GPC5: variants seen among roughly 807,000 people sequenced by gnomAD.
GPC5 encodes glypican 5.
A neutral mutation model predicts 53.9 loss-of-function variants in GPC5; 47 were observed. The ratio of observed to expected loss-of-function variants is 0.87; its 90% CI spans 0.69 to 1.11. The LOEUF (loss-of-function observed/expected upper bound fraction) is 1.11. Ranked by LOEUF, GPC5 falls within the 50% of genes most tolerant of loss-of-function variation. The pLI is 0.00. For missense variants in GPC5, 748 were observed against 713.1 expected (o/e 1.05, Z -0.56); for synonymous variants, 286 against 263.3 (o/e 1.09, Z -0.84).
At chr13:91,549,075 C>G (rs1442393700) in intron 2 of GPC5, among the ~76,000 whole-genome samples, 1 of 152,050 alleles carries the variant, frequency 6.6e-6, no homozygotes, top group Non-Finnish European at 1.5e-5. Context: ...TCGAGACCAG[C>G]CTGGCCAATA....
chr13:92,256,875 T>G (rs1251075344), intron 7 of GPC5, among the ~76,000 whole-genome samples: 1 of 152,090 alleles, frequency 6.6e-6, no homozygotes, highest in Non-Finnish European at 1.5e-5. Context: ...TTTTTAAAAG[T>G]CTTATTAGAA....
intron 6 of GPC5, among the ~76,000 whole-genome samples, chr13:92,118,775 T>G (rs1276926143): frequency 2.0e-5 from 3 of 152,182 alleles, no homozygotes; most frequent in Non-Finnish European, 4.4e-5. Context: ...GAGTTTCAAT[T>G]TCAATCAGTA....
chr13:92,729,781 T>C (rs1888751909), intron 7 of GPC5, among the ~76,000 whole-genome samples: 2 of 150,912 alleles, frequency 1.3e-5, no homozygotes, highest in African/African-American at 4.9e-5. Flanking sequence ...TGATTTATCC[T>C]GCAATTTTTT....
intron 6 of GPC5, among the ~76,000 whole-genome samples, chr13:91,974,827 A>G (rs1301746419): frequency 6.6e-6 from 1 of 152,188 alleles, no homozygotes. Context: ...TCCTAAGCCA[A>G]AAGAACAAAG....
chr13:91,430,599 A>T (rs1879375790), intron 1 of GPC5, among the ~76,000 whole-genome samples: 1 of 152,192 alleles, frequency 6.6e-6, no homozygotes, highest in African/African-American at 2.4e-5. Flanking sequence ...AAAGAAACTC[A>T]GGATGAAGCA....
chr13:92,285,062 A>G (rs972457544), intron 7 of GPC5, among the ~76,000 whole-genome samples: 1 of 152,224 alleles, frequency 6.6e-6, no homozygotes, highest in Non-Finnish European at 1.5e-5. Context: ...TACAAAATCA[A>G]TGTGCAAAAA....
chr13:92,830,036 ACAAGT>A (rs983820294), intron 7 of GPC5, among the ~76,000 whole-genome samples: 4 of 152,146 alleles, frequency 2.6e-5, no homozygotes, highest in Non-Finnish European at 5.9e-5. Flanking sequence ...AATGTCAAAA[ACAAGT>A]CAAGAAAATT....
At chr13:91,770,915 A>G (rs1202849437) in intron 5 of GPC5, among the ~76,000 whole-genome samples, 1 of 152,190 alleles carries the variant, frequency 6.6e-6, no homozygotes, top group Admixed American at 6.6e-5. Context: ...AACCAGAAAC[A>G]TACCTGTAAA....
intron 6 of GPC5, chr13:91,994,440 A>G (rs1363218849): frequency 6.6e-6 from 1 of 152,198 alleles, no homozygotes; most frequent in African/African-American, 2.4e-5. Context: ...ATCTTTATAG[A>G]GTGACTGTTA....
At chr13:92,694,520 TTAA>T (rs1408371445) in intron 7 of GPC5, among the ~76,000 whole-genome samples, 1 of 152,158 alleles carries the variant, frequency 6.6e-6, no homozygotes, top group African/African-American at 2.4e-5. Context: ...GCTTTAAGAT[TTAA>T]TGACTGCCTC....
chr13:91,614,161 T>C (rs1421051033), intron 2 of GPC5, among the ~76,000 whole-genome samples: 1 of 152,146 alleles, frequency 6.6e-6, no homozygotes, highest in Non-Finnish European at 1.5e-5. Context: ...GAGTGGGAGA[T>C]GCAATCACAG....
intron 6 of GPC5, among the ~76,000 whole-genome samples, chr13:92,016,019 A>T (rs966182824): frequency 6.6e-6 from 1 of 152,198 alleles, no homozygotes; most frequent in South Asian, 2.1e-4. Context: ...AGGCACAATC[A>T]CTTCTGAAGT....
intron 2 of GPC5, among the ~76,000 whole-genome samples, chr13:91,535,163 T>C (rs945619375): frequency 1.3e-5 from 2 of 152,226 alleles, no homozygotes; most frequent in African/African-American, 2.4e-5. Context: ...TTTCTCAGTC[T>C]GGGATTTTCT....
At chr13:92,489,481 G>C (rs866809889) in intron 7 of GPC5, among the ~76,000 whole-genome samples, 1 of 152,118 alleles carries the variant, frequency 6.6e-6, no homozygotes, top group Non-Finnish European at 1.5e-5. Flanking sequence ...AAAATTGTGA[G>C]ATGAGATGGA....
chr13:91,755,919 G>T (rs2037279766), intron 4 of GPC5, among the ~76,000 whole-genome samples: 1 of 151,956 alleles, frequency 6.6e-6, no homozygotes, highest in Non-Finnish European at 1.5e-5. Flanking sequence ...GATGATAGCA[G>T]GTAGTGAGGA....
intron 6 of GPC5, among the ~76,000 whole-genome samples, chr13:92,097,689 C>T (rs184912560): frequency 6.6e-6 from 1 of 152,290 alleles, no homozygotes; most frequent in Admixed American, 6.5e-5. Flanking sequence ...AATGTTATAT[C>T]AACTGAGATA....
At chr13:92,390,382 T>A (rs906430864) in intron 7 of GPC5, among the ~76,000 whole-genome samples, 2 of 152,080 alleles carry the variant, frequency 1.3e-5, no homozygotes, top group African/African-American at 4.8e-5. Flanking sequence ...AGGGTATTGA[T>A]CCACTAAGGG....
rs142452988 is a variant in GPC5 at position 91,471,566 on chromosome 13, C to T, written c.325+22644C>T. The stretch of plus-strand genomic sequence containing the variant: ...CATGGTATTTCATTTTCTCATGCTG[C>T]CCAACAGTTTGATGAAGAGCACCAT... On this transcript the variant is annotated intron_variant, in intron 2 of 7. Coordinates refer to ENST00000377067, the MANE Select transcript of GPC5 (RefSeq NM_004466.6). Among the ~76,000 whole-genome samples, 12 of 152,116 alleles carry T rather than the reference C, an allele frequency of 7.9e-5. No homozygotes were observed. In the East Asian group the frequency reaches 2.3e-3, roughly 29 times the overall value.
At chr13:92,606,537 G>T (rs1396568138) in intron 7 of GPC5, among the ~76,000 whole-genome samples, 1 of 152,160 alleles carries the variant, frequency 6.6e-6, no homozygotes, top group Non-Finnish European at 1.5e-5. Context: ...GAATAGTGCT[G>T]CAATAAACAT....
Sources: allele counts gnomAD v4.1 joint callset (sites outside exome capture counted in the v4.1 genomes callset), GRCh38; gene constraint gnomAD v4.1.1; transcripts MANE v1.5; gene names NCBI Gene and HGNC (gene_info 2026-07-23, HGNC 2026-07-21).